ADK: variants seen among roughly 807,000 people sequenced by gnomAD.
ADK encodes N6,N6-dimethyladenosine kinase.
A neutral mutation model predicts 44.7 loss-of-function variants in ADK; 24 were observed. That is an observed-to-expected ratio of 0.54 (90% CI 0.39 to 0.76). ADK has a LOEUF of 0.76. Among genes scored for constraint, ADK ranks in the 30% least tolerant of loss-of-function variants. The pLI is 0.00. For missense variants in ADK, 321 were observed against 425.1 expected, an observed-to-expected ratio of 0.76 and a Z score of 2.15; for synonymous variants, 128 against 142.6, an observed-to-expected ratio of 0.90 and a Z score of 0.73.
intron 9 of ADK, among the ~76,000 whole-genome samples, chr10:74,619,663 A>ATT (rs775563027): frequency 6.6e-6 from 1 of 151,826 alleles, no homozygotes; most frequent in Non-Finnish European, 1.5e-5. Context: ...GTTTTTAAAG[A>ATT]TTTTTTTTAA....
intron 7 of ADK, among the ~76,000 whole-genome samples, chr10:74,579,945 A>C (rs1312688600): frequency 6.6e-6 from 1 of 152,166 alleles, no homozygotes; most frequent in Non-Finnish European, 1.5e-5. Context: ...TAGTACTCAA[A>C]AGAATATTAC....
intron 2 of ADK, among the ~76,000 whole-genome samples, chr10:74,203,552 G>A (rs971913421): frequency 6.6e-6 from 1 of 151,764 alleles, no homozygotes; most frequent in South Asian, 2.1e-4. Flanking sequence ...TATAAACAGG[G>A]TCTCCTTATG....
chr10:74,373,066 G>A (rs1842716786), intron 4 of ADK, among the ~76,000 whole-genome samples: 1 of 151,776 alleles, frequency 6.6e-6, no homozygotes, highest in African/African-American at 2.4e-5. Context: ...AGTGTGCCAT[G>A]GCATAAAGAA....
At chr10:74,305,796 A>G (rs1429055712) in intron 3 of ADK, among the ~76,000 whole-genome samples, 3 of 151,966 alleles carry the variant, frequency 2.0e-5, no homozygotes, top group East Asian at 3.9e-4. Context: ...GCACAATCTC[A>G]GTTCACTACA....
intron 3 of ADK, among the ~76,000 whole-genome samples, chr10:74,278,570 G>A (rs1846792162): frequency 6.6e-6 from 1 of 152,026 alleles, no homozygotes; most frequent in South Asian, 2.1e-4. Flanking sequence ...TCATCTTTTA[G>A]TTTAAAGTTT....
At chr10:74,182,348 T>TTTTTTTTATTTATTTA (rs1554826373) in intron 1 of ADK, among the ~76,000 whole-genome samples, 10 of 145,650 alleles carry the variant, frequency 6.9e-5, no homozygotes, top group African/African-American at 2.0e-4. Flanking sequence ...ACAGAAATCT[T>TTTTTTTTATTTATTTA]TTTATTTATT....
chr10:74,687,783 C>G (rs1855846782), intron 10 of ADK, among the ~76,000 whole-genome samples: 1 of 152,186 alleles, frequency 6.6e-6, no homozygotes, highest in Admixed American at 6.5e-5. Context: ...GGATGTATCT[C>G]AAATTTGTCC....
intron 9 of ADK, among the ~76,000 whole-genome samples, chr10:74,659,843 A>G (rs977090967): frequency 1.3e-5 from 2 of 152,110 alleles, no homozygotes; most frequent in African/African-American, 4.8e-5. Flanking sequence ...AGCTGATTAG[A>G]TGGTGCCCAC....
At position 74,238,856 on chromosome 10, in the gene ADK, CTT is replaced by C. The variant is rs752385282; in HGVS notation, c.194+14288_194+14289del. Among the ~76,000 whole-genome samples, 747 of 88,182 alleles carry C rather than the reference CTT, an allele frequency of 8.5e-3. 9 individuals carry two copies. The highest frequency in any genetic ancestry group is 0.033 in the African/African-American group (702 of 21,006). The allele number at this position is 88,182 out of a possible 152,430, so 57.9% of individuals were successfully genotyped here. ...TTGAAAACTGCCACTTTAGCTAGTG[CTT>C]TTTTTTTTTTTTTTTTTTTTTTAAG... On this transcript the variant is annotated intron_variant, in intron 3 of 10. Transcript: ENST00000539909.
At chr10:74,178,238 G>T (rs1246104485) in intron 1 of ADK, among the ~76,000 whole-genome samples, 1 of 152,006 alleles carries the variant, frequency 6.6e-6, no homozygotes, top group Non-Finnish European at 1.5e-5. Context: ...CACCGCTACT[G>T]GTCTAAATTG....
intron 7 of ADK, among the ~76,000 whole-genome samples, chr10:74,574,170 T>TC (rs1851087793): frequency 6.7e-6 from 1 of 150,266 alleles, no homozygotes; most frequent in Admixed American, 6.6e-5. Flanking sequence ...TTCTTTCTTT[T>TC]TTTTTTTTTT....
At chr10:74,229,724 G>A (rs1270508866) in intron 3 of ADK, among the ~76,000 whole-genome samples, 1 of 152,056 alleles carries the variant, frequency 6.6e-6, no homozygotes, top group Non-Finnish European at 1.5e-5. Context: ...AATTGTTAAT[G>A]CTGTGACTTA....
intron 2 of ADK, among the ~76,000 whole-genome samples, chr10:74,201,476 C>T (rs1367660508): frequency 6.6e-6 from 1 of 152,092 alleles, no homozygotes; most frequent in Non-Finnish European, 1.5e-5. Context: ...AGACATGCAC[C>T]ACGTCCACAT....
At chr10:74,344,711 C>T in intron 4 of ADK, 1 of 173,924 alleles carries the variant, frequency 5.7e-6, no homozygotes, top group Non-Finnish European at 1.2e-5. Context: ...AGTCTTAACA[C>T]AGTCCAAAAA....
chr10:74,153,681 C>T (rs916243505), intron 1 of ADK, among the ~76,000 whole-genome samples: 3 of 152,128 alleles, frequency 2.0e-5, no homozygotes, highest in African/African-American at 4.8e-5. Context: ...GTGTTACAGA[C>T]GAGCTATTTT....
chr10:74,560,420 A>G (rs1850416167), intron 7 of ADK, among the ~76,000 whole-genome samples: 1 of 152,220 alleles, frequency 6.6e-6, no homozygotes, highest in Non-Finnish European at 1.5e-5. Context: ...TGTACCAAGT[A>G]TCTTAGATGA....
intron 3 of ADK, among the ~76,000 whole-genome samples, chr10:74,232,781 A>T (rs1175340361): frequency 6.6e-6 from 1 of 152,044 alleles, no homozygotes; most frequent in Non-Finnish European, 1.5e-5. Flanking sequence ...GCACGCCGCC[A>T]CACCCGGCTG....
At chr10:74,439,200 CT>C (rs1845305440) in intron 6 of ADK, among the ~76,000 whole-genome samples, 2 of 152,264 alleles carry the variant, frequency 1.3e-5, no homozygotes, top group South Asian at 4.1e-4. Flanking sequence ...GACCAGAACC[CT>C]TATGTTCCAC....
chr10:74,166,679 T>A (rs1591797974), intron 1 of ADK, among the ~76,000 whole-genome samples: 1 of 106,854 alleles, frequency 9.4e-6, no homozygotes, highest in Admixed American at 1.2e-4. Context: ...AAAGTGAGAC[T>A]CCGTCTCAAA....
Sources: gnomAD v4.1 joint callset for allele counts (sites outside exome capture counted in the v4.1 genomes callset) on GRCh38, gnomAD v4.1.1 for gene constraint, MANE v1.5 for transcripts, NCBI Gene and HGNC (gene_info 2026-07-23, HGNC 2026-07-21) for gene names.